LRP1B: variants seen among roughly 807,000 people sequenced by gnomAD.
LRP1B encodes low-density lipoprotein receptor-related protein 1B.
Under a neutral mutation model 556.6 loss-of-function variants are expected in LRP1B, and 217 were observed. The ratio of observed to expected loss-of-function variants is 0.39; its 90% CI spans 0.35 to 0.44. The LOEUF (loss-of-function observed/expected upper bound fraction) is 0.44. LRP1B is among the 20% of genes least tolerant of loss of function. LRP1B has a pLI of 1.00. For missense variants in LRP1B, 5,053 were observed against 5,620.8 expected, an observed-to-expected ratio of 0.90 and a Z score of 3.23; for synonymous variants, 2,047 against 1,865.8, an observed-to-expected ratio of 1.10 and a Z score of -2.50.
intron 60 of LRP1B, among the ~76,000 whole-genome samples, chr2:140,473,898 T>C (rs1429446854): frequency 1.3e-5 from 2 of 151,884 alleles, no homozygotes; most frequent in African/African-American, 2.4e-5. Flanking sequence ...TTGGGGGAGA[T>C]ATAACTTTTA....
chr2:141,435,377 C>A (rs201892999), intron 3 of LRP1B, among the ~76,000 whole-genome samples: 1 of 149,962 alleles, frequency 6.7e-6, no homozygotes, highest in South Asian at 2.2e-4. Context: ...ATGGCTATCT[C>A]TATTAAACTT....
intron 3 of LRP1B, among the ~76,000 whole-genome samples, chr2:141,319,717 T>A (rs1687168407): frequency 6.6e-6 from 1 of 152,108 alleles, no homozygotes; most frequent in Admixed American, 6.6e-5. Flanking sequence ...GTGTTCTTGA[T>A]CCATAGTCTG....
At chr2:141,294,739 CAA>C (rs10700407) in intron 3 of LRP1B, among the ~76,000 whole-genome samples, 1 of 139,286 alleles carries the variant, frequency 7.2e-6, no homozygotes, top group Non-Finnish European at 1.5e-5. Flanking sequence ...GATTCTGTCT[CAA>C]AAAAAAAAAA....
chr2:141,065,763 T>C (rs1156360211), intron 7 of LRP1B, among the ~76,000 whole-genome samples: 2 of 151,858 alleles, frequency 1.3e-5, no homozygotes, highest in Non-Finnish European at 2.9e-5. Flanking sequence ...TCCCATTCAT[T>C]CCACCATATT....
intron 33 of LRP1B, among the ~76,000 whole-genome samples, chr2:140,773,641 T>G (rs1689393955): frequency 6.8e-6 from 1 of 148,052 alleles, no homozygotes; most frequent in Non-Finnish European, 1.5e-5. Context: ...TTCAGATATA[T>G]AGAGAGAACT....
At chr2:141,604,134 G>A (rs548283453) in intron 2 of LRP1B, among the ~76,000 whole-genome samples, 1 of 152,100 alleles carries the variant, frequency 6.6e-6, no homozygotes, top group Non-Finnish European at 1.5e-5. Context: ...GTCGATAGAT[G>A]GTCCATGGAA....
intron 1 of LRP1B, among the ~76,000 whole-genome samples, chr2:141,919,264 T>C (rs1032342434): frequency 6.6e-6 from 1 of 152,040 alleles, no homozygotes; most frequent in South Asian, 2.1e-4. Context: ...ACAATATTGT[T>C]TCAAAATTCA....
intron 32 of LRP1B, among the ~76,000 whole-genome samples, chr2:140,790,056 G>A (rs890973876): frequency 3.3e-5 from 5 of 152,002 alleles, no homozygotes; most frequent in Non-Finnish European, 5.9e-5. Context: ...CCTCTGGGAA[G>A]CTCTCTTATT....
intron 1 of LRP1B, among the ~76,000 whole-genome samples, chr2:141,955,007 C>T (rs1201446684): frequency 6.6e-6 from 1 of 152,066 alleles, no homozygotes; most frequent in East Asian, 1.9e-4. Flanking sequence ...TTCTGTCCAT[C>T]AAGAGATGCT....
Position 140,525,413 on chromosome 2 carries a change from T to G in LRP1B, c.8026+431A>C, listed in dbSNP as rs902685584. Reference sequence around the variant, plus strand: ...ATTCAATAATGATTATAACTATTACTCAAATTACTACACCAAAGGATTTTG... The same window carrying G: ...ATTCAATAATGATTATAACTATTACGCAAATTACTACACCAAAGGATTTTG... On this transcript the variant is annotated intron_variant, in intron 49 of 90. Coordinates refer to ENST00000389484, the MANE Select transcript of LRP1B (RefSeq NM_018557.3). 7.2e-5 allele frequency among the ~76,000 whole-genome samples: 11 copies of G among 151,910 alleles called. No homozygotes were observed. In the South Asian group the frequency reaches 1.7e-3, roughly 23 times the overall value.
chr2:141,349,422 A>C (rs1358551844), intron 3 of LRP1B, among the ~76,000 whole-genome samples: 1 of 152,074 alleles, frequency 6.6e-6, no homozygotes, highest in African/African-American at 2.4e-5. Flanking sequence ...ACGAAGGACC[A>C]GTTTTGGAAA....
At chr2:141,215,092 A>G (rs532329163) in intron 6 of LRP1B, among the ~76,000 whole-genome samples, 1 of 152,272 alleles carries the variant, frequency 6.6e-6, no homozygotes, top group African/African-American at 2.4e-5. Context: ...TTATGGGGGT[A>G]GATCCCTTAT....
At chr2:141,337,241 T>C (rs2683859) in intron 3 of LRP1B, among the ~76,000 whole-genome samples, 89,978 of 152,080 alleles carry the variant, frequency 0.59, 27,522 homozygotes, top group African/African-American at 0.68. Flanking sequence ...GCAAGCCTAA[T>C]TGATTTATAG....
At chr2:141,581,021 A>G (rs1686942911) in intron 2 of LRP1B, among the ~76,000 whole-genome samples, 1 of 152,234 alleles carries the variant, frequency 6.6e-6, no homozygotes, top group South Asian at 2.1e-4. Flanking sequence ...AGGTATCCTG[A>G]TAAGTGTATA....
At chr2:141,978,341 A>ATT (rs1435576362) in intron 1 of LRP1B, among the ~76,000 whole-genome samples, 1 of 152,068 alleles carries the variant, frequency 6.6e-6, no homozygotes, top group African/African-American at 2.4e-5. Context: ...CAGTATGTGA[A>ATT]TTTCATTTGC....
intron 2 of LRP1B, among the ~76,000 whole-genome samples, chr2:141,524,162 G>A (rs1367108965): frequency 6.6e-6 from 1 of 151,858 alleles, no homozygotes; most frequent in African/African-American, 2.4e-5. Context: ...TAATGTCTGT[G>A]TTTTTTATAT....
chr2:142,117,300 T>C (rs11686843), intron 1 of LRP1B, among the ~76,000 whole-genome samples: 32,905 of 152,060 alleles, frequency 0.22, 3,796 homozygotes, highest in Middle Eastern at 0.43. Flanking sequence ...CGATTCTGCT[T>C]TACGTTTAGC....
At chr2:141,001,330 T>C (rs201097354) in intron 15 of LRP1B, among the ~76,000 whole-genome samples, 1 of 147,484 alleles carries the variant, frequency 6.8e-6, no homozygotes, top group Non-Finnish European at 1.5e-5. Flanking sequence ...CTTTTTTTTT[T>C]GTTTTTATAC....
intron 32 of LRP1B, among the ~76,000 whole-genome samples, chr2:140,779,121 G>A (rs1188912605): frequency 6.6e-6 from 1 of 151,748 alleles, no homozygotes; most frequent in Admixed American, 6.6e-5. Context: ...AAAAGTTTGA[G>A]GACGATGGTT....
Sources: gnomAD v4.1 joint callset for allele counts (sites outside exome capture counted in the v4.1 genomes callset) on GRCh38, gnomAD v4.1.1 for gene constraint, MANE v1.5 for transcripts, NCBI Gene and HGNC (gene_info 2026-07-23, HGNC 2026-07-21) for gene names.